PDE10A: variants seen among roughly 807,000 people sequenced by gnomAD.
The protein encoded by PDE10A is phosphodiesterase 10A.
PDE10A carries 39 observed loss-of-function variants against 97.7 expected under a neutral mutation model. The ratio of observed to expected loss-of-function variants is 0.40; its 90% CI spans 0.31 to 0.52. The LOEUF is 0.52. Ranked by LOEUF, PDE10A falls within the 20% of genes least tolerant of loss-of-function variation. PDE10A has a pLI of 0.56. For missense variants in PDE10A, 731 were observed against 1,047.8 expected (o/e 0.70, Z 4.17); for synonymous variants, 371 against 376.8 (o/e 0.98, Z 0.18).
rs183419337 is a variant in PDE10A, at chr6:165,675,738, C to T, written c.-614-132170G>A. Reference sequence around the variant, plus strand: ...TTTAACAAATATTTAGTGTCTACTACGCACCAGGATTCTGGGTGCTTGGGA... The same window carrying T: ...TTTAACAAATATTTAGTGTCTACTATGCACCAGGATTCTGGGTGCTTGGGA... On this transcript the variant is annotated intron_variant, in intron 1 of 19. Transcript: ENST00000366882. 1.2e-4 allele frequency among the ~76,000 whole-genome samples: 19 copies of T among 152,280 alleles called. No individual in the cohort carries two copies. In the South Asian group the frequency reaches 1.4e-3, roughly 12 times the overall value.
intron 1 of PDE10A, chr6:165,947,108 T>C (rs1418526096): frequency 6.6e-6 from 1 of 152,224 alleles, no homozygotes; most frequent in African/African-American, 2.4e-5. Context: ...ACAGCTTCTT[T>C]ATCAATGACG....
At chr6:165,381,674 A>G (rs1255614037) in intron 17 of PDE10A, among the ~76,000 whole-genome samples, 1 of 125,442 alleles carries the variant, frequency 8.0e-6, no homozygotes. Flanking sequence ...GTAGAGACGG[A>G]GTTTCACCAT....
At chr6:165,722,172 A>T (rs1338715564) in intron 1 of PDE10A, among the ~76,000 whole-genome samples, 1 of 152,238 alleles carries the variant, frequency 6.6e-6, no homozygotes, top group African/African-American at 2.4e-5. Flanking sequence ...CTTCACGGAA[A>T]TCTATGTGCA....
At chr6:165,947,468 ATATTATTGATGGCCTTT>A (rs1783810084) in intron 1 of PDE10A, among the ~76,000 whole-genome samples, 1 of 152,118 alleles carries the variant, frequency 6.6e-6, no homozygotes, top group African/African-American at 2.4e-5. Context: ...CATTTATTCT[ATATTATTGATGGCCTTT>A]TATTCTTTTA....
upstream of PDE10A, among the ~76,000 whole-genome samples, chr6:165,663,820 C>T (rs1236541540): frequency 6.6e-6 from 1 of 152,176 alleles, no homozygotes; most frequent in East Asian, 1.9e-4. Context: ...ACCCTGAGAC[C>T]GCCTTGCCAT....
chr6:165,511,672 A>G (rs551215204), intron 2 of PDE10A, among the ~76,000 whole-genome samples: 3 of 151,990 alleles, frequency 2.0e-5, no homozygotes, highest in Non-Finnish European at 4.4e-5. Flanking sequence ...ATCTAGTAAT[A>G]TTAGCTTTAT....
At chr6:165,930,919 C>A (rs1051215465) in intron 1 of PDE10A, among the ~76,000 whole-genome samples, 10 of 152,200 alleles carry the variant, frequency 6.6e-5, no homozygotes, top group Non-Finnish European at 1.3e-4. Context: ...GGGAAGCCAC[C>A]GTGGTGCTGA....
At chr6:165,633,340 ATG>A (rs1441633511) in intron 1 of PDE10A, among the ~76,000 whole-genome samples, 2 of 152,312 alleles carry the variant, frequency 1.3e-5, no homozygotes, top group East Asian at 3.9e-4. Flanking sequence ...TGTCCCTGAA[ATG>A]TGGCTCAGAA....
intron 1 of PDE10A, among the ~76,000 whole-genome samples, chr6:165,580,172 T>C (rs1400545801): frequency 6.6e-6 from 1 of 152,244 alleles, no homozygotes; most frequent in African/African-American, 2.4e-5. Flanking sequence ...AGGTGCTCAA[T>C]ACATATTTAA....
At chr6:165,924,574 G>A (rs1255567149) in intron 1 of PDE10A, among the ~76,000 whole-genome samples, 1 of 152,188 alleles carries the variant, frequency 6.6e-6, no homozygotes, top group Non-Finnish European at 1.5e-5. Flanking sequence ...ATCTCCCTCT[G>A]TGGTACAATT....
chr6:165,724,365 G>T (rs1456627323), intron 1 of PDE10A, among the ~76,000 whole-genome samples: 1 of 152,210 alleles, frequency 6.6e-6, no homozygotes, highest in Non-Finnish European at 1.5e-5. Flanking sequence ...GTGAACGCGT[G>T]TTGAGAAAAT....
chr6:165,473,184 T>G (rs186375235), intron 3 of PDE10A, among the ~76,000 whole-genome samples: 3 of 152,204 alleles, frequency 2.0e-5, no homozygotes, highest in African/African-American at 7.2e-5. Context: ...GCTTATAGCA[T>G]AGTAAAAAAC....
intron 16 of PDE10A, among the ~76,000 whole-genome samples, chr6:165,391,694 G>A (rs1785731032): frequency 6.6e-6 from 1 of 152,036 alleles, no homozygotes; most frequent in Non-Finnish European, 1.5e-5. Context: ...AAAACTAGAG[G>A]ATAATTTTTT....
chr6:165,692,982 C>T (rs1791345163), intron 1 of PDE10A, among the ~76,000 whole-genome samples: 1 of 152,144 alleles, frequency 6.6e-6, no homozygotes, highest in South Asian at 2.1e-4. Context: ...TATTTTTTAA[C>T]ATCAAAGAGA....
At chr6:165,741,110 ATCT>A in intron 1 of PDE10A, among the ~76,000 whole-genome samples, 1 of 152,286 alleles carries the variant, frequency 6.6e-6, no homozygotes, top group South Asian at 2.1e-4. Context: ...GATTAAGTAG[ATCT>A]TAAATGTTCT....
At chr6:165,586,011 C>T (rs1299724466) in intron 1 of PDE10A, among the ~76,000 whole-genome samples, 2 of 152,144 alleles carry the variant, frequency 1.3e-5, no homozygotes, top group Non-Finnish European at 2.9e-5. Context: ...ACACCATACC[C>T]CATACCCCAC....
intron 2 of PDE10A, among the ~76,000 whole-genome samples, chr6:165,541,786 C>A (rs1199668353): frequency 6.6e-6 from 1 of 152,138 alleles, no homozygotes; most frequent in Admixed American, 6.5e-5. Flanking sequence ...AAGACAATGC[C>A]TGTTTCTGAT....
intron 1 of PDE10A, among the ~76,000 whole-genome samples, chr6:165,937,198 T>G (rs1008394216): frequency 6.6e-6 from 1 of 152,170 alleles, no homozygotes; most frequent in Non-Finnish European, 1.5e-5. Context: ...GCCATCAAGC[T>G]CCACGTGCCA....
chr6:165,819,154 T>G lies in PDE10A; in HGVS notation c.-615+168375A>C, dbSNP rs114692603. Among the ~76,000 whole-genome samples, 351 of 152,194 alleles carry G rather than the reference T, an allele frequency of 2.3e-3. 1 individual carries two copies. Among genetic ancestry groups the G allele is most frequent in the African/African-American group, 7.9e-3 (330 of 41,518 alleles). On this transcript the variant is annotated intron_variant, in intron 1 of 19. Transcript: ENST00000366882. The surrounding 1 kb of genome is among the most constrained non-coding windows in gnomAD (Gnocchi z 4.2). ...CCAAAACCAGTTTTCAAAACCGAGT[T>G]CATCTCTGCACCTGCTCCCTCATCT...
Sources: allele counts gnomAD v4.1 joint callset (sites outside exome capture counted in the v4.1 genomes callset), GRCh38; gene constraint gnomAD v4.1.1; non-coding constraint Gnocchi (gnomAD v3.1); transcripts MANE v1.5; gene names NCBI Gene and HGNC (gene_info 2026-07-23, HGNC 2026-07-21).